Variants in RNF180 observed in about 807,000 individuals in gnomAD.
The protein encoded by RNF180 is E3 ubiquitin-protein ligase RNF180.
A neutral mutation model predicts 59.2 loss-of-function variants in RNF180; 38 were observed. The ratio of observed to expected loss-of-function variants is 0.64; its 90% confidence interval spans 0.50 to 0.84. The LOEUF is 0.84. RNF180 is among the 40% of genes least tolerant of loss of function. The probability of loss-of-function intolerance (pLI) is 0.00; values close to 1 mark genes in which losing one functional copy is unlikely to be tolerated. For missense variants in RNF180, 705 were observed against 700.9 expected, an observed-to-expected ratio of 1.01 and a Z score of -0.07; for synonymous variants, 262 against 240.3, an observed-to-expected ratio of 1.09 and a Z score of -0.84.
chr5:64,217,495 C>T lies in RNF180; in HGVS notation c.1227+99C>T, dbSNP rs145510645. The T allele has an allele frequency of 1.5e-4, 202 of 1,307,846 alleles. 1 individual carries two copies. The African/African-American group carries it at 2.3e-3, about 15-fold the overall frequency. The allele number at this position is 1,307,846 out of a possible 1,614,324, so 81.0% of individuals were successfully genotyped here. On this transcript the variant is annotated intron_variant, in intron 5 of 7. Coordinates refer to ENST00000389100, the MANE Select transcript of RNF180 (RefSeq NM_001113561.2). The stretch of plus-strand genomic sequence containing the variant: ...GCAGCAAAGACTTCCATTTTCTGTG[C>T]GTCCTTGAAAGCAAGCACTGGTATT...
intron 5 of RNF180, among the ~76,000 whole-genome samples, chr5:64,309,890 C>T (rs1743675402): frequency 6.6e-6 from 1 of 151,612 alleles, no homozygotes; most frequent in Non-Finnish European, 1.5e-5. Context: ...TTCCATTCAT[C>T]TTTTGGCGAA....
chr5:64,192,903 GTATATATATATA>G (rs70983610), intron 1 of RNF180, among the ~76,000 whole-genome samples: 20,717 of 93,872 alleles, frequency 0.22, 2,514 homozygotes, highest in Middle Eastern at 0.37. Flanking sequence ...AGTGTGGCAT[GTATATATATATA>G]TATATATATA....
chr5:64,346,255 T>C (rs182443485), intron 7 of RNF180, among the ~76,000 whole-genome samples: 4 of 150,896 alleles, frequency 2.7e-5, no homozygotes, highest in Admixed American at 2.6e-4. Context: ...GGAAAAAAAA[T>C]ATTCATGACA....
intron 1 of RNF180, among the ~76,000 whole-genome samples, chr5:64,182,899 C>T (rs950960336): frequency 1.3e-5 from 2 of 152,198 alleles, no homozygotes; most frequent in African/African-American, 4.8e-5. Flanking sequence ...AAGGAGAGTA[C>T]TTCCGATGTC....
chr5:64,182,638 T>C (rs1037959356), intron 1 of RNF180, among the ~76,000 whole-genome samples: 6 of 152,176 alleles, frequency 3.9e-5, no homozygotes, highest in Non-Finnish European at 7.3e-5. Context: ...AAGGACTATA[T>C]AGAACAGCTG....
At chr5:64,365,510 A>G (rs1403998124) in intron 7 of RNF180, among the ~76,000 whole-genome samples, 1 of 150,844 alleles carries the variant, frequency 6.6e-6, no homozygotes, top group African/African-American at 2.4e-5. Context: ...CCATTTGGTC[A>G]AGTGTCAAGT....
rs1307088153 is a variant in RNF180, at chr5:64,214,523, A to C, written c.1191+6A>C. ...AAAGATGGCTACAGAAGCAGGTAAT[A>C]TTTTTCAAAAGAGTTTACTAAAAAT... On this transcript the variant is annotated splice_donor_region_variant and intron_variant, in intron 4 of 7. Transcript: ENST00000389100. 1.2e-6 allele frequency: 2 copies of C among 1,605,198 alleles called. No individual in the cohort carries two copies. Among genetic ancestry groups the C allele is most frequent in the South Asian group, 2.2e-5 (2 of 90,496 alleles).
chr5:64,347,789 G>A (rs1042319123), intron 7 of RNF180, among the ~76,000 whole-genome samples: 12 of 152,208 alleles, frequency 7.9e-5, no homozygotes, highest in African/African-American at 2.9e-4. Flanking sequence ...CGAGTGTCAG[G>A]ACTGTGTTAT....
rs535633094 is a variant in RNF180 at position 64,267,391 on chromosome 5, G to C, written c.1227+49995G>C. 5.9e-5 allele frequency among the ~76,000 whole-genome samples: 9 copies of C among 151,808 alleles called. No individual in the cohort carries two copies. The East Asian group carries it at 1.7e-3, about 29-fold the overall frequency. On this transcript the variant is annotated intron_variant, in intron 5 of 7. Transcript: ENST00000389100. ...TTATACTTTAAGTTTTAGGGTACAT[G>C]TGCACATTGTGCAGGTTAGTTACAT...
chr5:64,248,025 A>T (rs1222438393), intron 5 of RNF180, among the ~76,000 whole-genome samples: 1 of 152,224 alleles, frequency 6.6e-6, no homozygotes, highest in Non-Finnish European at 1.5e-5. Flanking sequence ...TCCTCATTTA[A>T]TAAATGTTTT....
chr5:64,290,164 T>A (rs1412783698), intron 5 of RNF180, among the ~76,000 whole-genome samples: 1 of 152,242 alleles, frequency 6.6e-6, no homozygotes, highest in African/African-American at 2.4e-5. Flanking sequence ...CAGGAACAGA[T>A]AGTTCCGTTT....
intron 5 of RNF180, among the ~76,000 whole-genome samples, chr5:64,315,062 A>T (rs1374635931): frequency 1.3e-5 from 2 of 152,170 alleles, no homozygotes; most frequent in Non-Finnish European, 2.9e-5. Context: ...GATTTTTGTA[A>T]CATCATGCAT....
Position 64,344,274 on chromosome 5 carries a change from CAAAA to C in RNF180, c.1579+13869_1579+13872del, listed in dbSNP as rs940438849. On this transcript the variant is annotated intron_variant, in intron 7 of 7. Transcript: ENST00000389100. ...AAATTATATATATGTAAACAGTAAT[CAAAA>C]GAAAGCAGCTGTGGCTATGTTAATG... 1.4e-4 allele frequency among the ~76,000 whole-genome samples: 21 copies of C among 151,814 alleles called. 1 individual carries two copies. The South Asian group carries it at 3.5e-3, about 26-fold the overall frequency.
Position 64,213,911 on chromosome 5 carries a change from C to T in RNF180, c.585C>T (p.Asn195=), listed in dbSNP as rs200527311. ...GACCAACATATTTTGAGATGAAGAACGAAAAACTGCTGTCCAAAGCATCAG... is the reference window on the plus strand; with the variant it reads ...GACCAACATATTTTGAGATGAAGAATGAAAAACTGCTGTCCAAAGCATCAG... The part of the protein sequence containing the change: ...EVRPTYFEMK[N]EKLLSKASEP... The change falls in exon 4 of 8, where the codon AAC becomes AAT. Residue 195 remains asparagine (N), a synonymous_variant. Coordinates refer to ENST00000389100, the MANE Select transcript of RNF180 (RefSeq NM_001113561.2). The T allele has an allele frequency of 3.2e-5, 52 of 1,613,900 alleles. No individual in the cohort carries two copies. Among genetic ancestry groups the T allele is most frequent in the Admixed American group, 5.0e-5 (3 of 59,908 alleles).
intron 5 of RNF180, among the ~76,000 whole-genome samples, chr5:64,288,148 T>G (rs1561240543): frequency 6.6e-6 from 1 of 152,220 alleles, no homozygotes; most frequent in Non-Finnish European, 1.5e-5. Flanking sequence ...GCACCATTTA[T>G]TAAGTAGGGA....
intron 7 of RNF180, among the ~76,000 whole-genome samples, chr5:64,345,466 C>A (rs1745517711): frequency 6.6e-6 from 1 of 151,974 alleles, no homozygotes; most frequent in African/African-American, 2.4e-5. Context: ...CCATAATAAC[C>A]CCAACACTGA....
At chr5:64,198,273 G>A (rs956237842) in intron 1 of RNF180, among the ~76,000 whole-genome samples, 2 of 152,062 alleles carry the variant, frequency 1.3e-5, no homozygotes, top group African/African-American at 4.8e-5. Flanking sequence ...CAATAAACAT[G>A]TCTGGCTAGT....
intron 5 of RNF180, among the ~76,000 whole-genome samples, chr5:64,309,019 C>CCCT (rs1454174320): frequency 6.6e-6 from 1 of 151,614 alleles, no homozygotes; most frequent in East Asian, 1.9e-4. Context: ...CTGTCCTTAA[C>CCCT]CCTCCTTCCA....
At chr5:64,193,716 T>C (rs1751299892) in intron 1 of RNF180, among the ~76,000 whole-genome samples, 1 of 152,244 alleles carries the variant, frequency 6.6e-6, no homozygotes, top group Non-Finnish European at 1.5e-5. Flanking sequence ...TGGGTTCATT[T>C]CCACACTTTC....
Sources: gnomAD v4.1 joint callset for allele counts (sites outside exome capture counted in the v4.1 genomes callset) on GRCh38, gnomAD v4.1.1 for gene constraint, MANE v1.5 for transcripts, NCBI Gene and HGNC (gene_info 2026-07-23, HGNC 2026-07-21) for gene names.